The following ACYP2 variants were observed in gnomAD, a reference collection of about 807,000 sequenced individuals.
ACYP2 encodes the protein acylphosphatase 2.
Under a neutral mutation model 11.2 loss-of-function variants are expected in ACYP2, and 12 were observed. The ratio of observed to expected loss-of-function variants is 1.08; its 90% CI spans 0.69 to 1.74. The LOEUF is 1.74. ACYP2 is among the 40% of genes most tolerant of loss of function. ACYP2 has a pLI of 0.00. For synonymous variants in ACYP2, 43 were observed against 32.2 expected (o/e 1.33, Z -1.13); for missense variants, 134 against 101.9 (o/e 1.31, Z -1.35).
At chr2:54,253,282 T>A (rs1189099331) in intron 6 of ACYP2, 1 of 152,192 alleles carries the variant, frequency 6.6e-6, no homozygotes, top group Non-Finnish European at 1.5e-5. Context: ...AGATACGGTT[T>A]TAACAGAAAC....
At chr2:54,174,661 T>C (rs925427119) in intron 6 of ACYP2, among the ~76,000 whole-genome samples, 2 of 152,210 alleles carry the variant, frequency 1.3e-5, no homozygotes, top group African/African-American at 4.8e-5. Context: ...GGCTGTGGGT[T>C]TGTTACAAAT....
intron 6 of ACYP2, among the ~76,000 whole-genome samples, chr2:54,177,059 G>A (rs1203735825): frequency 6.6e-6 from 1 of 152,194 alleles, no homozygotes; most frequent in East Asian, 1.9e-4. Flanking sequence ...CAGATTTAGA[G>A]ATTTGGGATT....
At chr2:54,130,628 T>C (rs1030999489) in intron 4 of ACYP2, among the ~76,000 whole-genome samples, 7 of 152,216 alleles carry the variant, frequency 4.6e-5, no homozygotes, top group Non-Finnish European at 8.8e-5. Flanking sequence ...TAACTTTAAG[T>C]ATATAAACAT....
intron 6 of ACYP2, among the ~76,000 whole-genome samples, chr2:54,213,711 G>T (rs1685430887): frequency 6.6e-6 from 1 of 152,068 alleles, no homozygotes; most frequent in Non-Finnish European, 1.5e-5. Flanking sequence ...TGTTGGCTCT[G>T]TGTATGCGTT....
chr2:54,143,683 C>T (rs1325890503), intron 6 of ACYP2, among the ~76,000 whole-genome samples: 3 of 143,358 alleles, frequency 2.1e-5, no homozygotes, highest in Non-Finnish European at 3.0e-5. Context: ...CTGCCTGTCT[C>T]GGCCTCCCAA....
intron 2 of ACYP2, among the ~76,000 whole-genome samples, chr2:54,039,317 G>T (rs1186737166): frequency 2.7e-5 from 4 of 148,510 alleles, no homozygotes; most frequent in Non-Finnish European, 5.9e-5. Flanking sequence ...GGGGGGGACA[G>T]GGTCCCACTC....
chr2:54,284,152 T>C (rs1047159223), intron 6 of ACYP2, among the ~76,000 whole-genome samples: 1 of 152,150 alleles, frequency 6.6e-6, no homozygotes, highest in Non-Finnish European at 1.5e-5. Context: ...ATTTAAACTT[T>C]GTAAAAAAAA....
chr2:54,196,904 C>A (rs1017576804), intron 6 of ACYP2, among the ~76,000 whole-genome samples: 2 of 152,170 alleles, frequency 1.3e-5, no homozygotes, highest in Non-Finnish European at 2.9e-5. Flanking sequence ...GTTGGTATTA[C>A]GAGCGAAGTA....
intron 6 of ACYP2, among the ~76,000 whole-genome samples, chr2:54,150,264 A>G (rs192568637): frequency 8.5e-4 from 130 of 152,282 alleles, no homozygotes; most frequent in African/African-American, 2.8e-3. Flanking sequence ...AGCCTGAACT[A>G]TTTACCATCT....
chr2:54,209,398 C>T (rs916008709), intron 6 of ACYP2, among the ~76,000 whole-genome samples: 1 of 152,156 alleles, frequency 6.6e-6, no homozygotes, highest in Non-Finnish European at 1.5e-5. Flanking sequence ...AGAGCCTCCT[C>T]CAGGTAAGTC....
At chr2:54,298,695 C>T (rs1689612070) in intron 6 of ACYP2, among the ~76,000 whole-genome samples, 1 of 152,224 alleles carries the variant, frequency 6.6e-6, no homozygotes, top group Admixed American at 6.5e-5. Flanking sequence ...GCTTACTAAG[C>T]AGTTGTGCCC....
At chr2:54,145,587 C>A (rs72800773) in intron 6 of ACYP2, among the ~76,000 whole-genome samples, 6,348 of 152,198 alleles carry the variant, frequency 0.042, 180 homozygotes, top group Admixed American at 0.07. Context: ...TGCTTTCAGA[C>A]ATTCTTGTTT....
intron 4 of ACYP2, among the ~76,000 whole-genome samples, chr2:54,096,981 C>G (rs1310898977): frequency 1.3e-5 from 2 of 152,174 alleles, no homozygotes; most frequent in East Asian, 3.8e-4. Context: ...AAGTGCTAGC[C>G]TTACAGGCAT....
At chr2:54,151,393 C>T (rs1682164543) in intron 6 of ACYP2, among the ~76,000 whole-genome samples, 1 of 152,320 alleles carries the variant, frequency 6.6e-6, no homozygotes, top group Non-Finnish European at 1.5e-5. Flanking sequence ...GAGTGGCTAG[C>T]TTTTCCTTGC....
At chr2:54,294,373 AGT>A (rs1315320481) in intron 6 of ACYP2, among the ~76,000 whole-genome samples, 2 of 151,982 alleles carry the variant, frequency 1.3e-5, no homozygotes, top group Non-Finnish European at 2.9e-5. Context: ...ATTTTTGCTT[AGT>A]GTTAGGTTAA....
At chr2:54,032,046 A>G (rs376081671) in intron 2 of ACYP2, among the ~76,000 whole-genome samples, 1 of 152,098 alleles carries the variant, frequency 6.6e-6, no homozygotes, top group Non-Finnish European at 1.5e-5. Flanking sequence ...AGATGAGTAG[A>G]TTGCAAAAAT....
At chr2:54,251,229 C>G (rs1291230906) in intron 6 of ACYP2, among the ~76,000 whole-genome samples, 4 of 152,190 alleles carry the variant, frequency 2.6e-5, no homozygotes, top group African/African-American at 7.2e-5. Flanking sequence ...TGGATTTTAA[C>G]CATTTGAATG....
intron 4 of ACYP2, among the ~76,000 whole-genome samples, chr2:54,117,895 G>T (rs866869123): frequency 3.9e-5 from 6 of 152,152 alleles, no homozygotes; most frequent in Admixed American, 6.5e-5. Context: ...TGTACCCAAT[G>T]TGTAGCCTTT....
intron 6 of ACYP2, among the ~76,000 whole-genome samples, chr2:54,179,681 C>A (rs1187213603): frequency 6.6e-6 from 1 of 152,040 alleles, no homozygotes; most frequent in Non-Finnish European, 1.5e-5. Context: ...ATGAGGATGA[C>A]CAGAGGTCAC....
Sources: allele counts gnomAD v4.1 joint callset (sites outside exome capture counted in the v4.1 genomes callset), GRCh38; gene constraint gnomAD v4.1.1; transcripts MANE v1.5; gene names NCBI Gene and HGNC (gene_info 2026-07-23, HGNC 2026-07-21).